The following ARHGEF6 variants were observed in gnomAD, a reference collection of about 807,000 sequenced individuals.
The protein encoded by ARHGEF6 is Rac/Cdc42 guanine nucleotide exchange factor 6.
ARHGEF6 carries 9 observed loss-of-function variants against 70.3 expected under a neutral mutation model. The ratio of observed to expected loss-of-function variants is 0.13; its 90% CI spans 0.08 to 0.22. ARHGEF6 has a LOEUF of 0.22. Among genes scored for constraint, ARHGEF6 ranks in the 10% least tolerant of loss-of-function variants. The pLI is 1.00. For synonymous variants in ARHGEF6, 201 were observed against 207.8 expected, an observed-to-expected ratio of 0.97 and a Z score of 0.28; for missense variants, 470 against 563.0, an observed-to-expected ratio of 0.83 and a Z score of 1.67.
chrX:136,757,493 T>C (rs1422114268), intron 2 of ARHGEF6, among the ~76,000 whole-genome samples: 1 of 112,137 alleles, frequency 8.9e-6, no homozygotes, highest in Non-Finnish European at 1.9e-5. Context: ...ATCATCTCCT[T>C]ATATGCTCCA....
At chrX:136,727,430 CTTCT>C (rs1334044081) in intron 6 of ARHGEF6, among the ~76,000 whole-genome samples, 3 of 50,476 alleles carry the variant, frequency 5.9e-5, no homozygotes, top group Non-Finnish European at 1.1e-4. Flanking sequence ...TCTTTCTTTC[CTTCT>C]TTCTTTCTTT....
intron 9 of ARHGEF6, among the ~76,000 whole-genome samples, chrX:136,696,479 G>A (rs777984233): frequency 4.5e-4 from 49 of 109,748 alleles, no homozygotes; most frequent in African/African-American, 1.6e-3. Context: ...TTAGCTGAGT[G>A]TGGTGGTGTG....
chrX:136,748,355 C>T (rs2077117347), intron 2 of ARHGEF6, among the ~76,000 whole-genome samples: 1 of 112,450 alleles, frequency 8.9e-6, no homozygotes, highest in Non-Finnish European at 1.9e-5. Context: ...TAAGGAAATA[C>T]ATTTCACTTT....
At chrX:136,752,416 C>G (rs1237427699) in intron 2 of ARHGEF6, among the ~76,000 whole-genome samples, 2 of 112,066 alleles carry the variant, frequency 1.8e-5, no homozygotes, top group Non-Finnish European at 3.8e-5. Context: ...AGGTCCTGGT[C>G]TGGTAGGGGT....
intron 7 of ARHGEF6, among the ~76,000 whole-genome samples, chrX:136,710,018 A>G (rs1457066322): frequency 9.1e-6 from 1 of 109,692 alleles, no homozygotes; most frequent in Non-Finnish European, 1.9e-5. Flanking sequence ...GTGTATAGTA[A>G]CACTAGGCCG....
chrX:136,670,055 G>T (rs1041295962), intron 20 of ARHGEF6, among the ~76,000 whole-genome samples: 3 of 111,002 alleles, frequency 2.7e-5, no homozygotes, highest in Non-Finnish European at 3.8e-5. Flanking sequence ...TCCCTCCCTC[G>T]GTATCCATGG....
chrX:136,686,643 C>T (rs1395122665), intron 11 of ARHGEF6, among the ~76,000 whole-genome samples: 583 of 50,760 alleles, frequency 0.011, 8 homozygotes, highest in African/African-American at 0.069. Context: ...TATATATATA[C>T]ACACATATAT....
At chrX:136,734,208 C>T (rs2076963553) in intron 5 of ARHGEF6, among the ~76,000 whole-genome samples, 1 of 111,846 alleles carries the variant, frequency 8.9e-6, no homozygotes, top group South Asian at 3.7e-4. Context: ...ACAAGTGGAG[C>T]ATAGCCAGTT....
In ARHGEF6 at chrX:136,665,617, CA is replaced by C. The variant is rs1476843250; in HGVS notation, c.*2411del. The stretch of plus-strand genomic sequence containing the variant: ...ATTTTAAAAGTCTTCAAAATAAAAA[CA>C]AGTTAGAAAATTTGAGCTTGTGTTA... On this transcript the variant is annotated 3_prime_UTR_variant, in exon 22 of 22. Coordinates refer to ENST00000250617, the MANE Select transcript of ARHGEF6 (RefSeq NM_004840.3). 8.9e-6 allele frequency: 1 copy of C among 112,456 alleles called. No individual in the cohort carries two copies. Among genetic ancestry groups the C allele is most frequent in the Non-Finnish European group, 1.9e-5 (1 of 53,225 alleles). 9.3% of individuals were successfully genotyped at this position (112,456 alleles called of 1,213,427 possible). A position where few individuals can be genotyped will look rare whatever the true frequency, so the allele number is the denominator to read the frequency against.
At chrX:136,750,975 G>A (rs983020117) in intron 2 of ARHGEF6, among the ~76,000 whole-genome samples, 19 of 108,676 alleles carry the variant, frequency 1.7e-4, no homozygotes, top group African/African-American at 1.7e-4. Context: ...GCTAATTTTT[G>A]TTTGTTTGTT....
chrX:136,713,184 A>G, intron 7 of ARHGEF6, 92 bp downstream of exon 7: 1 of 805,248 alleles, frequency 1.2e-6, no homozygotes, highest in Non-Finnish European at 1.9e-6. Context: ...TCTAAAGGGC[A>G]AAATCAATTA....
chrX:136,727,603 G>A (rs1478130178), intron 6 of ARHGEF6, among the ~76,000 whole-genome samples: 5 of 99,522 alleles, frequency 5.0e-5, no homozygotes, highest in Non-Finnish European at 8.0e-5. Flanking sequence ...GTGCAATCTC[G>A]GCTCACTGCA....
At chrX:136,668,420 C>T (rs922234667) in intron 21 of ARHGEF6, among the ~76,000 whole-genome samples, 3 of 110,978 alleles carry the variant, frequency 2.7e-5, no homozygotes, top group African/African-American at 9.8e-5. Context: ...TCTGTTTCAA[C>T]CCAAGTGTCT....
chrX:136,727,974 C>T (rs925557224), intron 6 of ARHGEF6, among the ~76,000 whole-genome samples: 2 of 111,540 alleles, frequency 1.8e-5, no homozygotes, highest in Non-Finnish European at 3.8e-5. Context: ...GACCTGCCCT[C>T]CCAATGAGAC....
intron 5 of ARHGEF6, 138 bp from the exon 6 acceptor site, chrX:136,732,310 T>G (rs1442146017): frequency 1.9e-6 from 1 of 519,130 alleles, no homozygotes; most frequent in African/African-American, 2.3e-5. Flanking sequence ...CAAATGAAAC[T>G]ACAACTGTGC....
At position 136,674,992 on chromosome X, in the gene ARHGEF6, T is replaced by G; in HGVS notation, c.2035+15A>C. ...AAACGTCACTCACTAGAGAAAGTAG[T>G]TTGGGGGAACCTACTTGAGCCATGG... On this transcript the variant is annotated intron_variant, in intron 19 of 21. Transcript: ENST00000250617. 1 of 1,196,785 alleles carries G rather than the reference T, an allele frequency of 8.4e-7. No homozygotes were observed.
intron 13 of ARHGEF6, 115 bp from the exon 14 acceptor site, chrX:136,682,083 A>T: frequency 1.8e-6 from 1 of 568,637 alleles, no homozygotes; most frequent in Non-Finnish European, 3.0e-6. Context: ...GTATTTCTCC[A>T]GTCTGTCAAT....
chrX:136,749,684 T>A (rs1037615460), intron 2 of ARHGEF6, among the ~76,000 whole-genome samples: 1 of 111,512 alleles, frequency 9.0e-6, no homozygotes, highest in Non-Finnish European at 1.9e-5. Context: ...GAGGGAAGTT[T>A]CCTGAACTGT....
chrX:136,758,816 G>T, intron 2 of ARHGEF6, among the ~76,000 whole-genome samples: 1 of 111,422 alleles, frequency 9.0e-6, no homozygotes, highest in Non-Finnish European at 1.9e-5. Context: ...TGAAATTTTA[G>T]AAGTTCATTT....
Sources: gnomAD v4.1 joint callset for allele counts (sites outside exome capture counted in the v4.1 genomes callset) on GRCh38, gnomAD v4.1.1 for gene constraint, MANE v1.5 for transcripts, NCBI Gene and HGNC (gene_info 2026-07-23, HGNC 2026-07-21) for gene names.